The following GATA3 variants were observed in gnomAD, a reference collection of about 807,000 sequenced individuals.
GATA3 encodes the protein GATA binding protein 3, also known as trans-acting T-cell-specific transcription factor GATA-3.
A neutral mutation model predicts 36.0 loss-of-function variants in GATA3; 6 were observed. That is an observed-to-expected ratio of 0.17 (90% CI 0.09 to 0.33). The LOEUF (loss-of-function observed/expected upper bound fraction) is 0.33, where lower values mean the gene tolerates loss of function less well. Among genes scored for constraint, GATA3 ranks in the 10% least tolerant of loss-of-function variants. The pLI is 1.00. For missense variants in GATA3, 514 were observed against 610.1 expected, an observed-to-expected ratio of 0.84 and a Z score of 1.66; for synonymous variants, 326 against 273.0, an observed-to-expected ratio of 1.19 and a Z score of -1.92.
At chr10:8,056,241 C>T (rs906016257) in intron 2 of GATA3, among the ~76,000 whole-genome samples, 1 of 152,162 alleles carries the variant, frequency 6.6e-6, no homozygotes, top group African/African-American at 2.4e-5. Flanking sequence ...TGCCCTGGCT[C>T]TGCCTCCGCG....
intron 1 of GATA3, among the ~76,000 whole-genome samples, chr10:8,045,689 T>C (rs1274143408): frequency 6.6e-6 from 1 of 152,178 alleles, no homozygotes; most frequent in Non-Finnish European, 1.5e-5. Context: ...TGGGTTTCTG[T>C]GGTGACCTTG....
upstream of GATA3, chr10:8,052,394 C>A (rs1017751103): frequency 6.6e-6 from 1 of 152,268 alleles, no homozygotes; most frequent in Non-Finnish European, 1.5e-5. Flanking sequence ...CGGAAGGCCT[C>A]CTCACCAGTC....
chr10:8,050,152 G>A (rs1832446768), upstream of GATA3, among the ~76,000 whole-genome samples: 2 of 152,240 alleles, frequency 1.3e-5, no homozygotes, highest in African/African-American at 4.8e-5. Flanking sequence ...CCTCCCTTCC[G>A]CGCAGCCTCG....
In GATA3 at chr10:8,055,103, C is replaced by T. The variant is rs901391483; in HGVS notation, c.-369-184C>T. Among the ~76,000 whole-genome samples, 4 of 152,036 alleles carry T rather than the reference C, an allele frequency of 2.6e-5. No individual in the cohort carries two copies. The highest frequency in any genetic ancestry group is 9.7e-5 in the African/African-American group (4 of 41,404). ...GGGACTTGCCCTCCAAGTTGCTCAG[C>T]CAGCCCCGGCTCCCGCGAGCCGGGC... On this transcript the variant is annotated intron_variant, in intron 1 of 5. Transcript: ENST00000379328. The surrounding 1 kb of genome is among the most constrained non-coding windows in gnomAD (Gnocchi z 5.4).
Position 8,055,796 on chromosome 10 carries a change from G to A in GATA3, c.141G>A (p.Val47=). The part of the protein sequence containing the change: ...DAAQYPLPEE[V]DVLFNIDGQG... ...CGCAGTACCCGCTGCCGGAGGAGGT[G>A]GATGTGCTTTTTAACATCGACGGTC... The change falls in exon 2 of 6, where the codon GTG becomes GTA. Residue 47 remains valine, a synonymous_variant. Coordinates refer to ENST00000379328, the MANE Select transcript of GATA3 (RefSeq NM_001002295.2). This position sits in a 1 kb window ranked among gnomAD's most constrained non-coding sequence, Gnocchi z 5.4. 6.3e-7 allele frequency: 1 copy of A among 1,593,584 alleles called. No homozygotes were observed. The highest frequency in any genetic ancestry group is 8.5e-7 in the Non-Finnish European group (1 of 1,170,264).
intron 3 of GATA3, among the ~76,000 whole-genome samples, chr10:8,059,884 C>T (rs556477325): frequency 2.6e-5 from 4 of 152,328 alleles, no homozygotes; most frequent in East Asian, 1.9e-4. Flanking sequence ...TCTCCTTAGG[C>T]GTGTCCATTT....
intron 4 of GATA3, among the ~76,000 whole-genome samples, chr10:8,067,554 C>T (rs576423049): frequency 8.7e-4 from 132 of 152,284 alleles, no homozygotes; most frequent in African/African-American, 3.1e-3. Flanking sequence ...TGCGGTGGCT[C>T]ACTCCTGTAA....
At chr10:8,063,059 G>A (rs1832775935) in intron 3 of GATA3, among the ~76,000 whole-genome samples, 1 of 152,282 alleles carries the variant, frequency 6.6e-6, no homozygotes, top group East Asian at 1.9e-4. Context: ...ACTTCCTACC[G>A]GCCTGGCTGG....
intron 4 of GATA3, among the ~76,000 whole-genome samples, chr10:8,067,036 T>TAA (rs147109616): frequency 2.1e-5 from 3 of 145,704 alleles, no homozygotes; most frequent in East Asian, 2.0e-4. Flanking sequence ...GTAGCTCTTC[T>TAA]AAAAAAAAAA....
upstream of GATA3, chr10:8,053,066 C>T (rs190518617): frequency 7.9e-4 from 121 of 152,306 alleles, 1 homozygote; most frequent in African/African-American, 2.7e-3. This position sits in a 1 kb window ranked among gnomAD's most constrained non-coding sequence, Gnocchi z 5.1. Flanking sequence ...TCTTCCAATA[C>T]ATTTCACTAA....
chr10:8,067,036 TAA>T (rs147109616), intron 4 of GATA3, among the ~76,000 whole-genome samples: 127 of 145,762 alleles, frequency 8.7e-4, no homozygotes, highest in African/African-American at 3.1e-3. Context: ...GTAGCTCTTC[TAA>T]AAAAAAAAAA....
At chr10:8,068,429 G>A (rs1291245719) in intron 4 of GATA3, among the ~76,000 whole-genome samples, 1 of 152,170 alleles carries the variant, frequency 6.6e-6, no homozygotes. Context: ...AAGAGAGTGA[G>A]GGTGGCTGTC....
chr10:8,064,239 C>A, intron 4 of GATA3, 101 bp downstream of exon 4: 1 of 1,429,598 alleles, frequency 7.0e-7, no homozygotes, highest in Non-Finnish European at 9.8e-7. Context: ...GACAGGATAG[C>A]CTCCAATCGT....
chr10:8,074,630 T>A lies in GATA3; in HGVS notation c.*607T>A, dbSNP rs1406350301. 4.3e-6 allele frequency: 1 copy of A among 233,824 alleles called. No homozygotes were observed. The highest frequency in any genetic ancestry group is 2.2e-5 in the African/African-American group (1 of 45,356). 14.5% of individuals were successfully genotyped at this position (233,824 alleles called of 1,614,324 possible). A position where few individuals can be genotyped will look rare whatever the true frequency, so the allele number is the denominator to read the frequency against. Reference sequence around the variant, plus strand: ...GGCAATCAGTGTTACCGTTCACCAGTTGCCGTTGAGGGTTTCAGAGAGCCT... The same window carrying A: ...GGCAATCAGTGTTACCGTTCACCAGATGCCGTTGAGGGTTTCAGAGAGCCT... On this transcript the variant is annotated 3_prime_UTR_variant, in exon 6 of 6. Coordinates refer to ENST00000379328, the MANE Select transcript of GATA3 (RefSeq NM_001002295.2).
rs1208238149 is a variant in GATA3 at position 8,054,984 on chromosome 10, C to T, written c.-370+93C>T. 1 of 167,264 alleles carries T rather than the reference C, an allele frequency of 6.0e-6. No individual in the cohort carries two copies. Among genetic ancestry groups the T allele is most frequent in the Non-Finnish European group, 1.3e-5 (1 of 76,770 alleles). 10.4% of individuals were successfully genotyped at this position (167,264 alleles called of 1,614,324 possible). On this transcript the variant is annotated intron_variant, in intron 1 of 5. Transcript: ENST00000379328. This position sits in a 1 kb window ranked among gnomAD's most constrained non-coding sequence, Gnocchi z 4.2. ...AATCAATTTTAAAAACTCAACTCTC[C>T]TCTTTTGGAGGTTTTCTAGGGGCTG... is the stretch of plus-strand genomic sequence containing the variant.
chr10:8,067,908 T>G (rs1006892585), intron 4 of GATA3, among the ~76,000 whole-genome samples: 5 of 152,224 alleles, frequency 3.3e-5, no homozygotes, highest in Admixed American at 2.6e-4. Flanking sequence ...TGTGTTCTTA[T>G]AACCATACCA....
chr10:8,058,527 C>T lies in GATA3; in HGVS notation c.464C>T (p.Pro155Leu), dbSNP rs1286220415. 6.2e-7 allele frequency: 1 copy of T among 1,612,062 alleles called. No individual in the cohort carries two copies. Among genetic ancestry groups the T allele is most frequent in the Admixed American group, 1.7e-5 (1 of 60,002 alleles). ...AGCCCGCACCTCTTCACCTTCCCGCCCACCCCGCCGAAGGACGTCTCCCCG... is the reference window on the plus strand; with the variant it reads ...AGCCCGCACCTCTTCACCTTCCCGCTCACCCCGCCGAAGGACGTCTCCCCG... ...HASPHLFTFP[P>L]TPPKDVSPDP... Residue 155 changes from proline (P) to leucine (L), a missense_variant, in exon 3 of 6, where the codon CCC becomes CTC. Coordinates refer to ENST00000379328, the MANE Select transcript of GATA3 (RefSeq NM_001002295.2).
chr10:8,055,819 G>C lies in GATA3; in HGVS notation c.164G>C (p.Gly55Ala), dbSNP rs2131482949. 6.3e-7 allele frequency: 1 copy of C among 1,591,618 alleles called. No homozygotes were observed. The highest frequency in any genetic ancestry group is 8.6e-7 in the Non-Finnish European group (1 of 1,169,050). ...GTGGATGTGCTTTTTAACATCGACGGTCAAGGCAACCACGTCCCGCCCTAC... is the reference window on the plus strand; with the variant it reads ...GTGGATGTGCTTTTTAACATCGACGCTCAAGGCAACCACGTCCCGCCCTAC... ...EEVDVLFNIDGQGNHVPPYYG... is the reference protein window; with the variant it reads ...EEVDVLFNIDAQGNHVPPYYG... The change falls in exon 2 of 6, where the codon GGT becomes GCT. Residue 55 changes from glycine (G) to alanine (A), a missense_variant. Physicochemically the swap from Gly to Ala is moderately conservative, Grantham distance 60. Coordinates refer to ENST00000379328, the MANE Select transcript of GATA3 (RefSeq NM_001002295.2). This position sits in a 1 kb window ranked among gnomAD's most constrained non-coding sequence, Gnocchi z 5.4.
chr10:8,047,086 C>A (rs1319385611), intron 1 of GATA3, among the ~76,000 whole-genome samples: 4 of 152,174 alleles, frequency 2.6e-5, no homozygotes, highest in Non-Finnish European at 4.4e-5. Context: ...TGCCTTCTTG[C>A]AGAAGATAAA....
Sources: allele counts gnomAD v4.1 joint callset (sites outside exome capture counted in the v4.1 genomes callset), GRCh38; gene constraint gnomAD v4.1.1; non-coding constraint Gnocchi (gnomAD v3.1); transcripts MANE v1.5; gene names NCBI Gene and HGNC (gene_info 2026-07-23, HGNC 2026-07-21).